Variants in SIDT2 observed in about 807,000 individuals in gnomAD.
SIDT2 encodes the protein SID1 transmembrane family member 2, also known as SID1 transmembrane family, member 2.
In SIDT2, 68 loss-of-function variants were observed where a neutral mutation model predicts 114.4. That is an observed-to-expected ratio of 0.59 (90% CI 0.49 to 0.73). The LOEUF (loss-of-function observed/expected upper bound fraction) is 0.73, where lower values mean the gene tolerates loss of function less well. Among genes scored for constraint, SIDT2 ranks in the 30% least tolerant of loss-of-function variants. The pLI is 0.00. For missense variants in SIDT2, 918 were observed against 1,097.1 expected (o/e 0.84, Z 2.31); for synonymous variants, 470 against 438.4 (o/e 1.07, Z -0.90).
intron 4 of SIDT2, 156 bp downstream of exon 4, chr11:117,182,261 G>T: frequency 2.3e-6 from 2 of 880,420 alleles, no homozygotes; most frequent in Non-Finnish European, 3.6e-6. Context: ...CATGGTGAGG[G>T]ACAGACAGCA....
intron 8 of SIDT2, among the ~76,000 whole-genome samples, chr11:117,185,049 C>CTT (rs34444006): frequency 1.9e-4 from 26 of 135,548 alleles, no homozygotes; most frequent in South Asian, 1.5e-3. Flanking sequence ...CTCTCTCTCT[C>CTT]TTTTTTTTTT....
chr11:117,186,645 A>G lies in SIDT2; in HGVS notation c.1015+9A>G. On this transcript the variant is annotated intron_variant, in intron 10 of 25. Coordinates refer to ENST00000324225, the MANE Select transcript of SIDT2 (RefSeq NM_001040455.2). ...AGCCTGCCCAGAAAGCGGTACCTCC[A>G]GGGGGCCTGGGTGGGGCGGGCACAG... is the stretch of plus-strand genomic sequence containing the variant. 1 of 1,409,856 alleles carries G rather than the reference A, an allele frequency of 7.1e-7. No homozygotes were observed. The highest frequency in any genetic ancestry group is 9.3e-7 in the Non-Finnish European group (1 of 1,070,686). 87.3% of individuals were successfully genotyped at this position (1,409,856 alleles called of 1,614,324 possible). A position where few individuals can be genotyped will look rare whatever the true frequency, so the allele number is the denominator to read the frequency against.
chr11:117,183,194 A>AATT (rs1208874165), intron 6 of SIDT2, among the ~76,000 whole-genome samples: 2 of 151,570 alleles, frequency 1.3e-5, no homozygotes, highest in African/African-American at 4.9e-5. Flanking sequence ...AAATACGAAA[A>AATT]ATTAGCTGGG....
At chr11:117,187,039 C>T (rs780901557) in intron 10 of SIDT2, 1 of 1,455,442 alleles carries the variant, frequency 6.9e-7, no homozygotes. Flanking sequence ...AGCTGGAGTC[C>T]AGAGTAGGGG....
At chr11:117,182,342 G>A (rs2030321469) in intron 4 of SIDT2, 177 bp from the exon 5 acceptor site, 2 of 710,686 alleles carry the variant, frequency 2.8e-6, no homozygotes, top group Non-Finnish European at 4.7e-6. Flanking sequence ...TGAGGTTGAA[G>A]GGAATGGTAT....
chr11:117,195,520 A>G (rs1268573475), intron 24 of SIDT2, among the ~76,000 whole-genome samples: 1 of 152,210 alleles, frequency 6.6e-6, no homozygotes, highest in Non-Finnish European at 1.5e-5. Context: ...AGGTTGTTGC[A>G]ACCCTGTGCT....
At chr11:117,186,520 A>G (rs536688630) in intron 9 of SIDT2, 64 bp from the exon 10 acceptor site, 2 of 1,439,458 alleles carry the variant, frequency 1.4e-6, no homozygotes, top group East Asian at 4.6e-5. Context: ...AAGGAAAGTC[A>G]GCCCCATACA....
chr11:117,179,500 A>G (rs1298770185), intron 1 of SIDT2, 54 bp downstream of exon 1: 1 of 1,559,194 alleles, frequency 6.4e-7, no homozygotes, highest in Non-Finnish European at 8.7e-7. Flanking sequence ...GACGAGGGCT[A>G]GGCGATTCTG....
Position 117,193,145 on chromosome 11 carries a change from C to T in SIDT2, c.2106-8C>T, listed in dbSNP as rs369361594. 84 of 1,614,030 alleles carry T rather than the reference C, an allele frequency of 5.2e-5. No homozygotes were observed. Among genetic ancestry groups the T allele is most frequent in the Middle Eastern group, 1.6e-4 (1 of 6,084 alleles). ...TCCTGCTTCACCACCCTTCATCCCT[C>T]TTGCCAGGGCTGCCTATGGGCTTAT... is the stretch of plus-strand genomic sequence containing the variant. On this transcript the variant is annotated splice_polypyrimidine_tract_variant and splice_region_variant and intron_variant, in intron 22 of 25. Transcript: ENST00000324225.
At position 117,192,089 on chromosome 11, in the gene SIDT2, C is replaced by A; in HGVS notation, c.1872+75C>A. 6.3e-7 allele frequency: 1 copy of A among 1,590,146 alleles called. No homozygotes were observed. Among genetic ancestry groups the A allele is most frequent in the Non-Finnish European group, 8.6e-7 (1 of 1,164,170 alleles). On this transcript the variant is annotated intron_variant, in intron 19 of 25. Transcript: ENST00000324225. The surrounding 1 kb of genome is among the most constrained non-coding windows in gnomAD (Gnocchi z 5.9). ...GTGCGTTCAGACACGTAGTGCACAC[C>A]CTCCGCCACCTCCTGCATGAGAGAT...
At position 117,192,519 on chromosome 11, in the gene SIDT2, G is replaced by A. The variant is rs1316636311; in HGVS notation, c.1982-55G>A. 6.3e-7 allele frequency: 1 copy of A among 1,591,246 alleles called. No individual in the cohort carries two copies. The highest frequency in any genetic ancestry group is 8.6e-7 in the Non-Finnish European group (1 of 1,169,552). On this transcript the variant is annotated intron_variant, in intron 20 of 25. Transcript: ENST00000324225. This position sits in a 1 kb window ranked among gnomAD's most constrained non-coding sequence, Gnocchi z 5.9. ...GCTCCTCAGCTGGCACATCCCAGGG[G>A]TCCAGCAAAGGAGGGTGCCCCGTGC...
chr11:117,193,861 T>C lies in SIDT2; in HGVS notation c.2220T>C (p.Ser740=), dbSNP rs2134261041. The change falls in exon 24 of 26, where the codon AGT becomes AGC. Residue 740 remains serine (S), a synonymous_variant. Coordinates refer to ENST00000324225, the MANE Select transcript of SIDT2 (RefSeq NM_001040455.2). ...FAFYIIMKLR[S]GERIKLIPLL... ...TGCCTGGCCCCTCCCAGCTCCGGAGTGGGGAGAGGATCAAGCTCATCCCCC... is the reference window on the plus strand; with the variant it reads ...TGCCTGGCCCCTCCCAGCTCCGGAGCGGGGAGAGGATCAAGCTCATCCCCC... The C allele has an allele frequency of 1.2e-6, 2 of 1,612,754 alleles. No individual in the cohort carries two copies. Among genetic ancestry groups the C allele is most frequent in the South Asian group, 1.1e-5 (1 of 91,018 alleles).
intron 10 of SIDT2, chr11:117,186,930 C>T: frequency 6.7e-7 from 1 of 1,488,850 alleles, no homozygotes; most frequent in Non-Finnish European, 9.0e-7. Flanking sequence ...TTCCTTCTCT[C>T]TCTCTTCCAC....
chr11:117,186,308 C>A, intron 9 of SIDT2, 85 bp downstream of exon 9: 1 of 1,233,908 alleles, frequency 8.1e-7, no homozygotes. Context: ...TCTGAGCCAG[C>A]CTAGGGTAAT....
intron 18 of SIDT2, chr11:117,191,677 G>A (rs1475916084): frequency 1.1e-5 from 7 of 666,600 alleles, no homozygotes; most frequent in African/African-American, 1.8e-5. Context: ...CAGACTCTGG[G>A]TGACAGCCAG....
chr11:117,187,936 C>T lies in SIDT2; in HGVS notation c.1159+237C>T, dbSNP rs903805541. On this transcript the variant is annotated intron_variant, in intron 12 of 25. Transcript: ENST00000324225. ...GCGCCTCCCCTCTGGCCAGATGCGG[C>T]AGCTGTGCATTGCCATGGGTAGACC... The T allele has an allele frequency of 7.4e-6, 5 of 679,764 alleles. No individual in the cohort carries two copies. In the African/African-American group the frequency reaches 8.8e-5, roughly 12 times the overall value. 42.1% of individuals were successfully genotyped at this position (679,764 alleles called of 1,614,324 possible). A position where few individuals can be genotyped will look rare whatever the true frequency, so the allele number is the denominator to read the frequency against.
In SIDT2 at chr11:117,189,316, C is replaced by A; in HGVS notation, c.1353-19C>A. The A allele has an allele frequency of 6.2e-7, 1 of 1,614,208 alleles. No individual in the cohort carries two copies. Among genetic ancestry groups the A allele is most frequent in the Non-Finnish European group, 8.5e-7 (1 of 1,180,026 alleles). On this transcript the variant is annotated intron_variant, in intron 14 of 25. Coordinates refer to ENST00000324225, the MANE Select transcript of SIDT2 (RefSeq NM_001040455.2). ...GCCTTGGGTGCCACCCACCTCACTG[C>A]CGCCCTCCTGCTCCGCAGGAACATT...
At chr11:117,181,015 G>T (rs1052314445) in intron 1 of SIDT2, among the ~76,000 whole-genome samples, 7 of 152,200 alleles carry the variant, frequency 4.6e-5, no homozygotes, top group African/African-American at 7.2e-5. Flanking sequence ...CTCACAGGAA[G>T]GTTGAGGAGC....
At position 117,188,426 on chromosome 11, in the gene SIDT2, G is replaced by T. The variant is rs1191435642; in HGVS notation, c.1160-282G>T. On this transcript the variant is annotated intron_variant, in intron 12 of 25. Transcript: ENST00000324225. This position sits in a 1 kb window ranked among gnomAD's most constrained non-coding sequence, Gnocchi z 4.0. The stretch of plus-strand genomic sequence containing the variant: ...TGCCTGGGGTCTGCCTTGTGTCCTG[G>T]CCTGGGAAGCCCTAGCCCATGAGGG... 4.0e-6 allele frequency: 2 copies of T among 494,596 alleles called. No homozygotes were observed. Among genetic ancestry groups the T allele is most frequent in the East Asian group, 3.4e-5 (1 of 29,152 alleles). The allele number at this position is 494,596 out of a possible 1,614,324, so 30.6% of individuals were successfully genotyped here. A position where few individuals can be genotyped will look rare whatever the true frequency, so the allele number is the denominator to read the frequency against.
Sources: gnomAD v4.1 joint callset for allele counts (sites outside exome capture counted in the v4.1 genomes callset) on GRCh38, gnomAD v4.1.1 for gene constraint, Gnocchi (gnomAD v3.1) non-coding constraint, MANE v1.5 for transcripts, NCBI Gene and HGNC (gene_info 2026-07-23, HGNC 2026-07-21) for gene names.